Variants in RHOBTB1 observed in about 807,000 individuals in gnomAD.
The protein encoded by RHOBTB1 is rho-related BTB domain-containing protein 1.
RHOBTB1 carries 40 observed loss-of-function variants against 71.6 expected under a neutral mutation model. That is an observed-to-expected ratio of 0.56 (90% CI 0.43 to 0.73). RHOBTB1 has a LOEUF of 0.73. Among genes scored for constraint, RHOBTB1 ranks in the 30% least tolerant of loss-of-function variants. The probability of loss-of-function intolerance (pLI) is 0.00; values close to 1 mark genes in which losing one functional copy is unlikely to be tolerated. For synonymous variants in RHOBTB1, 319 were observed against 334.9 expected (o/e 0.95, Z 0.52); for missense variants, 797 against 894.0 (o/e 0.89, Z 1.38).
At chr10:60,913,115 C>G (rs376242603) in intron 2 of RHOBTB1, among the ~76,000 whole-genome samples, 1 of 152,088 alleles carries the variant, frequency 6.6e-6, no homozygotes, top group African/African-American at 2.4e-5. Flanking sequence ...AGGGCATTGA[C>G]AAGGATATAT....
intron 4 of RHOBTB1, among the ~76,000 whole-genome samples, chr10:60,896,330 G>A (rs2082159042): frequency 6.6e-6 from 1 of 152,230 alleles, no homozygotes. Flanking sequence ...AAATAATTGG[G>A]AGTGGTGAGT....
intron 2 of RHOBTB1, among the ~76,000 whole-genome samples, chr10:60,924,512 A>AAG (rs148672891): frequency 2.7e-4 from 41 of 151,166 alleles, no homozygotes; most frequent in African/African-American, 7.0e-4. Flanking sequence ...ATTAGAGCTA[A>AAG]AGAGAGAGAG....
chr10:60,934,438 G>A (rs1358913294), intron 2 of RHOBTB1, among the ~76,000 whole-genome samples: 2 of 152,128 alleles, frequency 1.3e-5, no homozygotes, highest in Non-Finnish European at 2.9e-5. Flanking sequence ...GGATACACCT[G>A]TTGAATGCTA....
downstream of RHOBTB1, among the ~76,000 whole-genome samples, chr10:60,867,038 T>C (rs1262404961): frequency 6.6e-6 from 1 of 152,178 alleles, no homozygotes; most frequent in African/African-American, 2.4e-5. Context: ...TTCCATTCAC[T>C]AAGCACTTAT....
rs186054881 is a variant in RHOBTB1 at position 60,962,106 on chromosome 10, C to A, written c.-61-20252G>T. Reference sequence around the variant, plus strand: ...TACAGGCCTAAGCCACTGTGCCTGGCCCATTTATAATGGCTTTTTTTTTGT... The same window carrying A: ...TACAGGCCTAAGCCACTGTGCCTGGACCATTTATAATGGCTTTTTTTTTGT... On this transcript the variant is annotated intron_variant, in intron 2 of 11. Coordinates refer to the RHOBTB1 transcript ENST00000357917. 4.2e-3 allele frequency among the ~76,000 whole-genome samples: 642 copies of A among 152,148 alleles called. 1 individual carries two copies. Among genetic ancestry groups the A allele is most frequent in the Non-Finnish European group, 7.1e-3 (480 of 68,000 alleles).
At chr10:60,926,481 A>G (rs1263070788) in intron 2 of RHOBTB1, among the ~76,000 whole-genome samples, 1 of 152,246 alleles carries the variant, frequency 6.6e-6, no homozygotes, top group East Asian at 1.9e-4. Flanking sequence ...AAATTCCTCA[A>G]TATAATGCTA....
Position 60,889,168 on chromosome 10 carries a change from TCC to T in RHOBTB1, c.498_499del (p.Asp167TyrfsTer20). On this transcript the variant is annotated frameshift_variant, in exon 6 of 11. Transcript: ENST00000337910. LOFTEE classifies it high-confidence loss of function. ...TCGGCCTTTTTCTGGGGGCAAAATA[TCC>T]CCTCTCTTTATGGGCCTGAAATAGA... The T allele has an allele frequency of 6.2e-7, 1 of 1,611,772 alleles. No individual in the cohort carries two copies. The highest frequency in any genetic ancestry group is 8.5e-7 in the Non-Finnish European group (1 of 1,178,912).
chr10:60,906,457 A>T (rs1485528627), intron 4 of RHOBTB1, among the ~76,000 whole-genome samples: 1 of 152,202 alleles, frequency 6.6e-6, no homozygotes, highest in East Asian at 1.9e-4. Context: ...AATTTCAAGT[A>T]ATTTTGTCAT....
chr10:60,921,035 T>G (rs2083534940), intron 2 of RHOBTB1, among the ~76,000 whole-genome samples: 1 of 151,602 alleles, frequency 6.6e-6, no homozygotes, highest in African/African-American at 2.4e-5. Context: ...CTGCGACCTC[T>G]GCCTCCTGGG....
At chr10:60,924,317 T>C (rs1489586377) in intron 2 of RHOBTB1, among the ~76,000 whole-genome samples, 2 of 152,038 alleles carry the variant, frequency 1.3e-5, no homozygotes, top group Non-Finnish European at 2.9e-5. Flanking sequence ...GAAAAAGGTA[T>C]TCCATGCAAA....
chr10:60,909,257 C>T (rs560607686), intron 4 of RHOBTB1, among the ~76,000 whole-genome samples: 29 of 152,258 alleles, frequency 1.9e-4, no homozygotes, highest in African/African-American at 6.5e-4. Flanking sequence ...CAGCTTTACG[C>T]TGAGGGGTCA....
At chr10:60,903,005 C>T (rs1192942420) in intron 4 of RHOBTB1, among the ~76,000 whole-genome samples, 1 of 152,092 alleles carries the variant, frequency 6.6e-6, no homozygotes, top group East Asian at 1.9e-4. Context: ...AATTAAGGAG[C>T]CAATTTTCCC....
At chr10:60,876,401 T>TA (rs901283552) in intron 8 of RHOBTB1, among the ~76,000 whole-genome samples, 13 of 151,690 alleles carry the variant, frequency 8.6e-5, no homozygotes, top group East Asian at 1.9e-4. Context: ...TTGGGTCAGT[T>TA]AAAAAAAAAC....
intron 9 of RHOBTB1, among the ~76,000 whole-genome samples, chr10:60,874,309 C>T (rs1220685205): frequency 1.3e-5 from 2 of 152,184 alleles, no homozygotes; most frequent in Non-Finnish European, 1.5e-5. Context: ...CTTCAGTGCT[C>T]GCTCTTGAAC....
chr10:60,891,332 T>C (rs538463303), intron 5 of RHOBTB1, among the ~76,000 whole-genome samples: 1 of 140,858 alleles, frequency 7.1e-6, no homozygotes, highest in South Asian at 2.3e-4. Flanking sequence ...TGTTGCTGTT[T>C]GCTTTTTTTT....
In RHOBTB1 at chr10:60,889,071, C is replaced by A; in HGVS notation, c.597G>T (p.Val199=). ...SVFDQFGIKD[V]FDNAIRAALI... is the part of the protein sequence containing the mutation. ...GCGCTGCTCGGATTGCATTGTCAAA[C>A]ACATCCTTGATACCAAACTGGTCAA... is the stretch of plus-strand genomic sequence containing the variant. Residue 199 remains valine, a synonymous_variant, in exon 6 of 11, where the codon GTG becomes GTT. Coordinates refer to ENST00000337910, the MANE Select transcript of RHOBTB1 (RefSeq NM_014836.5). The A allele has an allele frequency of 1.2e-6, 2 of 1,614,170 alleles. No homozygotes were observed. Among genetic ancestry groups the A allele is most frequent in the Non-Finnish European group, 1.7e-6 (2 of 1,180,018 alleles).
At chr10:60,871,972 C>T (rs1361944944) in intron 10 of RHOBTB1, 1 of 625,740 alleles carries the variant, frequency 1.6e-6, no homozygotes, top group Non-Finnish European at 2.8e-6. Flanking sequence ...GGACTCTAGC[C>T]CACCCAACTC....
intron 1 of RHOBTB1, among the ~76,000 whole-genome samples, chr10:60,990,316 T>C (rs1035221777): frequency 6.6e-6 from 1 of 152,144 alleles, no homozygotes; most frequent in East Asian, 1.9e-4. Flanking sequence ...AACTCCATCC[T>C]AGTTTCTCTC....
chr10:60,929,967 C>T (rs1326126773), intron 2 of RHOBTB1, among the ~76,000 whole-genome samples: 1 of 152,086 alleles, frequency 6.6e-6, no homozygotes, highest in Admixed American at 6.6e-5. Context: ...CCATAAGGCC[C>T]CAAATCCCCC....
Sources: gnomAD v4.1 joint callset for allele counts (sites outside exome capture counted in the v4.1 genomes callset) on GRCh38, gnomAD v4.1.1 for gene constraint, MANE v1.5 for transcripts, NCBI Gene and HGNC (gene_info 2026-07-23, HGNC 2026-07-21) for gene names.